CFAP52: variants seen among roughly 807,000 people sequenced by gnomAD.
CFAP52 encodes the protein cilia- and flagella-associated protein 52.
In CFAP52, 57 loss-of-function variants were observed where a neutral mutation model predicts 70.5. That is an observed-to-expected ratio of 0.81 (90% CI 0.65 to 1.01). The LOEUF (loss-of-function observed/expected upper bound fraction) is 1.01, where lower values mean the gene tolerates loss of function less well. Ranked by LOEUF, CFAP52 falls within the 50% of genes least tolerant of loss-of-function variation. CFAP52 has a pLI of 0.00. For missense variants in CFAP52, 785 were observed against 788.5 expected (o/e 1.00, Z 0.05); for synonymous variants, 267 against 292.5 (o/e 0.91, Z 0.89).
intron 8 of CFAP52, among the ~76,000 whole-genome samples, chr17:9,615,554 C>T (rs184539534): frequency 1.4e-3 from 214 of 151,962 alleles, no homozygotes; most frequent in African/African-American, 4.8e-3. Context: ...TCCGTTTTAA[C>T]CTTTGCTGCA....
chr17:9,638,449 T>G (rs566059807), intron 11 of CFAP52, among the ~76,000 whole-genome samples, 160 bp from the exon 12 acceptor site: 1 of 152,302 alleles, frequency 6.6e-6, no homozygotes, highest in East Asian at 1.9e-4. Context: ...GAAGTCTGTT[T>G]TGAAGAAATA....
chr17:9,595,662 T>C (rs1001062907), intron 4 of CFAP52, among the ~76,000 whole-genome samples: 2 of 152,072 alleles, frequency 1.3e-5, no homozygotes, highest in African/African-American at 2.4e-5. Flanking sequence ...AAAAAAAAGT[T>C]TTTTTAGGAC....
At chr17:9,607,887 C>T (rs935994376) in intron 6 of CFAP52, among the ~76,000 whole-genome samples, 2 of 152,136 alleles carry the variant, frequency 1.3e-5, no homozygotes, top group Non-Finnish European at 2.9e-5. Flanking sequence ...GGGTGCATCG[C>T]GAGCAGAACC....
At chr17:9,629,405 T>G (rs1040530473) in intron 9 of CFAP52, among the ~76,000 whole-genome samples, 4 of 152,212 alleles carry the variant, frequency 2.6e-5, no homozygotes, top group Non-Finnish European at 5.9e-5. Flanking sequence ...AAAAGTTCAG[T>G]GGATCTTTAG....
intron 12 of CFAP52, among the ~76,000 whole-genome samples, chr17:9,640,143 C>T (rs560840052): frequency 2.2e-4 from 33 of 151,826 alleles, no homozygotes; most frequent in Non-Finnish European, 3.8e-4. Flanking sequence ...GACTGGAACA[C>T]AGCACGTTTC....
intron 1 of CFAP52, among the ~76,000 whole-genome samples, chr17:9,577,035 C>A (rs1186432746): frequency 6.6e-6 from 1 of 152,186 alleles, no homozygotes. Flanking sequence ...ATGCCTCTTC[C>A]CCAGGCGGGC....
At chr17:9,636,706 T>C (rs147982997) in intron 11 of CFAP52, among the ~76,000 whole-genome samples, 9 of 152,048 alleles carry the variant, frequency 5.9e-5, no homozygotes, top group Non-Finnish European at 1.3e-4. Context: ...GAACATGAGA[T>C]ACGCTTGATG....
Position 9,638,803 on chromosome 17 carries a change from C to T in CFAP52, c.1575+92C>T, listed in dbSNP as rs1910924114. On this transcript the variant is annotated intron_variant, in intron 12 of 13. Coordinates refer to ENST00000352665, the MANE Select transcript of CFAP52 (RefSeq NM_145054.5). ...GAGGGTGCGGGCTCTGGAGTCAAAC[C>T]ACCTTGTTTCCAATGGTGGTCTGTC... 8.2e-5 allele frequency: 101 copies of T among 1,229,358 alleles called. 4 individuals carry two copies. In the South Asian group the frequency reaches 1.3e-3, roughly 16 times the overall value. 76.2% of individuals were successfully genotyped at this position (1,229,358 alleles called of 1,614,324 possible). A position where few individuals can be genotyped will look rare whatever the true frequency, so the allele number is the denominator to read the frequency against.
chr17:9,615,339 G>A (rs571260547), intron 8 of CFAP52, among the ~76,000 whole-genome samples: 1 of 152,260 alleles, frequency 6.6e-6, no homozygotes, highest in Non-Finnish European at 1.5e-5. Flanking sequence ...TCATTACAGA[G>A]ACGTGCATTG....
At chr17:9,631,333 T>G (rs544832337) in intron 9 of CFAP52, among the ~76,000 whole-genome samples, 2 of 152,250 alleles carry the variant, frequency 1.3e-5, no homozygotes, top group African/African-American at 4.8e-5. Flanking sequence ...CTGACTCTTA[T>G]GTCTGCCTGA....
In CFAP52 at chr17:9,613,829, G is replaced by C. The variant is rs145373923; in HGVS notation, c.1025+1350G>C. Among the ~76,000 whole-genome samples the C allele has an allele frequency of 3.9e-5, 6 of 152,034 alleles. No individual in the cohort carries two copies. The East Asian group carries it at 1.2e-3, about 30-fold the overall frequency. ...CCACTGCACCCGGCCTCAGACCTCAGTTTTTGAGATCTTGAGCTGTAGTTT... is the reference window on the plus strand; with the variant it reads ...CCACTGCACCCGGCCTCAGACCTCACTTTTTGAGATCTTGAGCTGTAGTTT... On this transcript the variant is annotated intron_variant, in intron 8 of 13. Transcript: ENST00000352665.
At chr17:9,588,262 C>A (rs1196765051) in intron 3 of CFAP52, among the ~76,000 whole-genome samples, 2 of 152,144 alleles carry the variant, frequency 1.3e-5, no homozygotes, top group East Asian at 3.9e-4. Context: ...GGATAATTGC[C>A]CTGTGGACAC....
intron 9 of CFAP52, among the ~76,000 whole-genome samples, chr17:9,630,450 G>T (rs1296452076): frequency 7.2e-6 from 1 of 138,296 alleles, no homozygotes; most frequent in Admixed American, 7.1e-5. Flanking sequence ...TTTTTTAAGA[G>T]ACGGAGTCTT....
At chr17:9,624,520 AATTATAAT>A (rs1015506982) in intron 8 of CFAP52, among the ~76,000 whole-genome samples, 1 of 152,048 alleles carries the variant, frequency 6.6e-6, no homozygotes, top group African/African-American at 2.4e-5. Context: ...TAAGGTATAT[AATTATAAT>A]ATTACATATA....
At chr17:9,602,297 C>G (rs1471955005) in intron 6 of CFAP52, among the ~76,000 whole-genome samples, 1 of 152,098 alleles carries the variant, frequency 6.6e-6, no homozygotes, top group Non-Finnish European at 1.5e-5. Context: ...CTGACAGGCC[C>G]CGGTGTGTGA....
intron 1 of CFAP52, among the ~76,000 whole-genome samples, chr17:9,580,758 G>GA (rs35545462): frequency 0.73 from 108,026 of 148,034 alleles, 40,363 homozygotes; most frequent in East Asian, 0.98. Context: ...GGCAAAAAAA[G>GA]AAAAAAAAAG....
chr17:9,592,409 C>G (rs896941499), intron 3 of CFAP52, among the ~76,000 whole-genome samples: 1 of 152,116 alleles, frequency 6.6e-6, no homozygotes, highest in African/African-American at 2.4e-5. Context: ...GCAGAGGTTG[C>G]AGTGAGCCAA....
chr17:9,597,250 G>A (rs897807659), intron 4 of CFAP52, among the ~76,000 whole-genome samples: 1 of 152,074 alleles, frequency 6.6e-6, no homozygotes, highest in African/African-American at 2.4e-5. Flanking sequence ...TCTTCCCATT[G>A]CGTACATATA....
rs56157011 is a variant in CFAP52 at position 9,605,694 on chromosome 17, GAAAAAAAAAA to G, written c.754-2405_754-2396del. 1.9e-4 allele frequency among the ~76,000 whole-genome samples: 11 copies of G among 56,968 alleles called. No individual in the cohort carries two copies. The South Asian group carries it at 6.8e-3, about 35-fold the overall frequency. 37.4% of individuals were successfully genotyped at this position (56,968 alleles called of 152,430 possible). The stretch of plus-strand genomic sequence containing the variant: ...CTGGCGACAGAGTGAGACTCCATCT[GAAAAAAAAAA>G]AAAAAAAAAAAAAAAAAAATCAGTG... On this transcript the variant is annotated intron_variant, in intron 6 of 13. Transcript: ENST00000352665.
Sources: allele counts gnomAD v4.1 joint callset (sites outside exome capture counted in the v4.1 genomes callset), GRCh38; gene constraint gnomAD v4.1.1; transcripts MANE v1.5; gene names NCBI Gene and HGNC (gene_info 2026-07-23, HGNC 2026-07-21).